AMPD2: variants seen among roughly 807,000 people sequenced by gnomAD.
AMPD2 encodes adenosine monophosphate deaminase 2.
A neutral mutation model predicts 91.3 loss-of-function variants in AMPD2; 52 were observed. The ratio of observed to expected loss-of-function variants is 0.57; its 90% confidence interval spans 0.46 to 0.72. The LOEUF (loss-of-function observed/expected upper bound fraction) is 0.72. AMPD2 is among the 30% of genes least tolerant of loss of function. AMPD2 has a pLI of 0.00. For missense variants in AMPD2, 822 were observed against 1,122.3 expected (o/e 0.73, Z 3.82); for synonymous variants, 455 against 456.4 (o/e 1.00, Z 0.04).
Position 109,628,498 on chromosome 1 carries a change from A to G in AMPD2, c.1407+3A>G, listed in dbSNP as rs41280332. 3.9e-3 allele frequency: 6,304 copies of G among 1,612,168 alleles called. 11 individuals carry two copies. Among genetic ancestry groups the G allele is most frequent in the Non-Finnish European group, 4.7e-3 (5,547 of 1,179,958 alleles). ...AGTACTTTGCTCACATCATCAAGGT[A>G]AGGAGGCAGCCTTCCCTGCCAAGCC... is the stretch of plus-strand genomic sequence containing the variant. On this transcript the variant is annotated splice_donor_region_variant and intron_variant, in intron 12 of 18. Transcript: ENST00000528667. The surrounding 1 kb of genome is among the most constrained non-coding windows in gnomAD (Gnocchi z 7.1).
rs1651263256 is a variant in AMPD2, at chr1:109,631,465, G to A, written c.*313G>A. The A allele has an allele frequency of 1.1e-5, 5 of 461,364 alleles. No individual in the cohort carries two copies. In the South Asian group the frequency reaches 1.1e-4, roughly 10 times the overall value. 28.6% of individuals were successfully genotyped at this position (461,364 alleles called of 1,614,324 possible). On this transcript the variant is annotated 3_prime_UTR_variant, in exon 19 of 19. Coordinates refer to ENST00000528667, the MANE Select transcript of AMPD2 (RefSeq NM_001368809.2). The stretch of plus-strand genomic sequence containing the variant: ...TCCAGTGTCCACAGGGGCTTGGGAT[G>A]GTTGTGGGGGGCTGGCCCCTCTAGC...
rs1650651361 is a variant in AMPD2, at chr1:109,626,067, C to T, written c.354-93C>T. ...CTCTGCCTTTGAGGATCACATGTGA[C>T]AACATGTGCACAGCACCTAGTGCGG... On this transcript the variant is annotated intron_variant, in intron 4 of 18. Transcript: ENST00000528667. 4 of 1,376,980 alleles carry T rather than the reference C, an allele frequency of 2.9e-6. No homozygotes were observed. In the Admixed American group the frequency reaches 7.1e-5, roughly 24 times the overall value. The allele number at this position is 1,376,980 out of a possible 1,614,324, so 85.3% of individuals were successfully genotyped here. A position where few individuals can be genotyped will look rare whatever the true frequency, so the allele number is the denominator to read the frequency against.
Position 109,625,152 on chromosome 1 carries a change from C to T in AMPD2, c.92-151C>T, listed in dbSNP as rs1570582322. 9.0e-7 allele frequency: 1 copy of T among 1,114,470 alleles called. No homozygotes were observed. Among genetic ancestry groups the T allele is most frequent in the Non-Finnish European group, 1.3e-6 (1 of 798,496 alleles). The allele number at this position is 1,114,470 out of a possible 1,614,324, so 69.0% of individuals were successfully genotyped here. A position where few individuals can be genotyped will look rare whatever the true frequency, so the allele number is the denominator to read the frequency against. On this transcript the variant is annotated intron_variant, in intron 2 of 18. Coordinates refer to ENST00000528667, the MANE Select transcript of AMPD2 (RefSeq NM_001368809.2). This position sits in a 1 kb window ranked among gnomAD's most constrained non-coding sequence, Gnocchi z 4.0. The stretch of plus-strand genomic sequence containing the variant: ...GTGAGGGTGAGCCCTTTGGGAGCCA[C>T]ACACACAGGCCTACTCCTCAGCTAC...
intron 9 of AMPD2, 36 bp from the exon 10 acceptor site, chr1:109,627,738 G>A: frequency 2.5e-6 from 4 of 1,609,774 alleles, no homozygotes; most frequent in Non-Finnish European, 3.4e-6. Flanking sequence ...CCTCCCTTCA[G>A]GGCCTAAGTC....
chr1:109,622,631 G>A (rs180684432), intron 2 of AMPD2, among the ~76,000 whole-genome samples: 14 of 152,272 alleles, frequency 9.2e-5, no homozygotes, highest in African/African-American at 3.4e-4. Flanking sequence ...GTTACTGCCC[G>A]TGTGCCACCT....
intron 16 of AMPD2, 117 bp from the exon 17 acceptor site, chr1:109,630,116 G>A: frequency 2.2e-6 from 3 of 1,373,888 alleles, no homozygotes; most frequent in Non-Finnish European, 3.0e-6. Context: ...TGCACATCAG[G>A]CCAAGCCTGG....
rs367989132 is a variant in AMPD2, at chr1:109,629,446, G to A, written c.1818G>A (p.Leu606=). The A allele has an allele frequency of 2.5e-5, 40 of 1,613,942 alleles. No individual in the cohort carries two copies. The highest frequency in any genetic ancestry group is 3.3e-5 in the Admixed American group (2 of 59,998). ...ACAACCCACCCTATGCCTACTACCT[G>A]TACTACACCTTTGCCAACATGGCCA... The part of the protein sequence containing the change: ...EEDNPPYAYY[L]YYTFANMAML... The change falls in exon 15 of 19, where the codon CTG becomes CTA. Residue 606 remains leucine (L), a synonymous_variant. Transcript: ENST00000528667.
chr1:109,630,565 G>GT (rs1297109345), intron 17 of AMPD2, 118 bp from the exon 18 acceptor site: 4 of 923,866 alleles, frequency 4.3e-6, no homozygotes, highest in Non-Finnish European at 6.5e-6. Context: ...GAGTTGAGGG[G>GT]TTGGGGGGTT....
At chr1:109,629,599 G>T (rs1570594061) in intron 15 of AMPD2, 109 bp downstream of exon 15, 1 of 1,483,544 alleles carries the variant, frequency 6.7e-7, no homozygotes, top group Admixed American at 1.8e-5. Context: ...CTGTTGCCTG[G>T]ACTGGATGGG....
rs1650925336 is a variant in AMPD2 at position 109,628,567 on chromosome 1, G to A, written c.1407+72G>A. On this transcript the variant is annotated intron_variant, in intron 12 of 18. Coordinates refer to ENST00000528667, the MANE Select transcript of AMPD2 (RefSeq NM_001368809.2). This position sits in a 1 kb window ranked among gnomAD's most constrained non-coding sequence, Gnocchi z 7.1. The stretch of plus-strand genomic sequence containing the variant: ...GGGCTTTTAGGGGGTGAGACTCAAG[G>A]AGGGTAGGCAGATGACCCCCTGAAG... 6.2e-7 allele frequency: 1 copy of A among 1,611,646 alleles called. No individual in the cohort carries two copies. Among genetic ancestry groups the A allele is most frequent in the Admixed American group, 1.7e-5 (1 of 59,932 alleles).
Position 109,628,421 on chromosome 1 carries a change from G to T in AMPD2, c.1333G>T (p.Glu445Ter). The change falls in exon 12 of 19, where the codon GAG (glutamate) becomes TAG (stop). Residue 445 changes from glutamate (E) to a stop codon, truncating the protein, a stop_gained. Transcript: ENST00000528667. LOFTEE classifies it high-confidence loss of function. The surrounding 1 kb of genome is among the most constrained non-coding windows in gnomAD (Gnocchi z 7.1). The part of the protein sequence containing the change: ...KFNAKYNPIG[E>*]SVLREIFIKT... ...TAATGCCAAATACAACCCTATTGGGGAGTCCGTCCTCCGAGAGATCTTCAT... is the reference window on the plus strand; with the variant it reads ...TAATGCCAAATACAACCCTATTGGGTAGTCCGTCCTCCGAGAGATCTTCAT... The T allele has an allele frequency of 2.5e-6, 4 of 1,613,890 alleles. No homozygotes were observed. The highest frequency in any genetic ancestry group is 3.4e-6 in the Non-Finnish European group (4 of 1,180,032).
At chr1:109,623,674 T>A (rs1650424893) in intron 2 of AMPD2, 1 of 152,548 alleles carries the variant, frequency 6.6e-6, no homozygotes, top group African/African-American at 2.4e-5. Context: ...CCCTCCTTTT[T>A]CTCCCCTCTT....
rs760433806 is a variant in AMPD2 at position 109,628,433 on chromosome 1, C to T, written c.1345C>T (p.Arg449Ter). The T allele has an allele frequency of 2.1e-5, 34 of 1,613,582 alleles. No homozygotes were observed. Among genetic ancestry groups the T allele is most frequent in the African/African-American group, 4.0e-5 (3 of 74,886 alleles). Reference sequence around the variant, plus strand: ...CAACCCTATTGGGGAGTCCGTCCTCCGAGAGATCTTCATCAAGACGGACAA... The same window carrying T: ...CAACCCTATTGGGGAGTCCGTCCTCTGAGAGATCTTCATCAAGACGGACAA... ...KYNPIGESVL[R>*]EIFIKTDNRV... is the part of the protein sequence containing the mutation. The change falls in exon 12 of 19, where the codon CGA (arginine) becomes TGA (stop). Residue 449 changes from arginine to a stop codon, truncating the protein, a stop_gained. Coordinates refer to ENST00000528667, the MANE Select transcript of AMPD2 (RefSeq NM_001368809.2). LOFTEE classifies it high-confidence loss of function. The surrounding 1 kb of genome is among the most constrained non-coding windows in gnomAD (Gnocchi z 7.1).
chr1:109,626,675 A>G, intron 6 of AMPD2, 51 bp from the exon 7 acceptor site: 1 of 1,574,514 alleles, frequency 6.4e-7, no homozygotes, highest in Non-Finnish European at 8.6e-7. Context: ...CTTAGGGAGG[A>G]GGTCTCTGAG....
At chr1:109,622,590 T>A (rs74113954) in intron 2 of AMPD2, among the ~76,000 whole-genome samples, 15,779 of 152,010 alleles carry the variant, frequency 0.1, 1,223 homozygotes, top group East Asian at 0.32. Flanking sequence ...GGCAGCTGAG[T>A]CTTCTAGGCC....
At chr1:109,627,748 C>T (rs756009713) in intron 9 of AMPD2, 26 bp from the exon 10 acceptor site, 1 of 1,612,890 alleles carries the variant, frequency 6.2e-7, no homozygotes, top group South Asian at 1.1e-5. Flanking sequence ...GGGCCTAAGT[C>T]CCTGCCTTGT....
At position 109,625,556 on chromosome 1, in the gene AMPD2, TC is replaced by T. The variant is rs1650595496; in HGVS notation, c.223-103del. On this transcript the variant is annotated intron_variant, in intron 3 of 18. Coordinates refer to ENST00000528667, the MANE Select transcript of AMPD2 (RefSeq NM_001368809.2). This position sits in a 1 kb window ranked among gnomAD's most constrained non-coding sequence, Gnocchi z 4.0. ...TGGCTGTCTCCTGATCCTCAGCCTC[TC>T]CCAGGTACCCCTGGTCCTGCTGCCC... 6.3e-7 allele frequency: 1 copy of T among 1,594,410 alleles called. No individual in the cohort carries two copies. Among genetic ancestry groups the T allele is most frequent in the African/African-American group, 1.3e-5 (1 of 74,774 alleles).
At position 109,631,216 on chromosome 1, in the gene AMPD2, C is replaced by T. The variant is rs940795425; in HGVS notation, c.*64C>T. On this transcript the variant is annotated 3_prime_UTR_variant, in exon 19 of 19. Coordinates refer to ENST00000528667, the MANE Select transcript of AMPD2 (RefSeq NM_001368809.2). The stretch of plus-strand genomic sequence containing the variant: ...TACCACGTTTTGTCCTCAGACCCCG[C>T]CCATGCTGTGTGGTCTCTGCATGTC... 19 of 1,453,888 alleles carry T rather than the reference C, an allele frequency of 1.3e-5. No individual in the cohort carries two copies. The highest frequency in any genetic ancestry group is 1.8e-5 in the Non-Finnish European group (19 of 1,059,334). 90.1% of individuals were successfully genotyped at this position (1,453,888 alleles called of 1,614,324 possible).
chr1:109,627,742 C>T, intron 9 of AMPD2, 32 bp from the exon 10 acceptor site: 4 of 1,612,094 alleles, frequency 2.5e-6, no homozygotes, highest in Non-Finnish European at 3.4e-6. Context: ...CCTTCAGGGC[C>T]TAAGTCCCTG....
Sources: allele counts gnomAD v4.1 joint callset (sites outside exome capture counted in the v4.1 genomes callset), GRCh38; gene constraint gnomAD v4.1.1; non-coding constraint Gnocchi (gnomAD v3.1); transcripts MANE v1.5; gene names NCBI Gene and HGNC (gene_info 2026-07-23, HGNC 2026-07-21).